The following CXADR variants were observed in gnomAD, a reference collection of about 807,000 sequenced individuals.
CXADR encodes the protein coxsackievirus and adenovirus receptor.
Under a neutral mutation model 40.3 loss-of-function variants are expected in CXADR, and 20 were observed. That is an observed-to-expected ratio of 0.50 (90% CI 0.35 to 0.72). CXADR has a LOEUF of 0.72. CXADR is among the 30% of genes least tolerant of loss of function. The pLI is 0.01. For missense variants in CXADR, 332 were observed against 449.1 expected (o/e 0.74, Z 2.36); for synonymous variants, 150 against 161.3 (o/e 0.93, Z 0.53).
the CXADR span, among the ~76,000 whole-genome samples, chr21:17,603,570 T>C: frequency 6.6e-6 from 1 of 152,190 alleles, no homozygotes; most frequent in Non-Finnish European, 1.5e-5. Flanking sequence ...TAGGAGTACA[T>C]AGTTAGGGTT....
Position 17,551,186 on chromosome 21 carries a change from G to A in CXADR, c.211-563G>A, listed in dbSNP as rs140296832. ...AAGCCAAGGCGGGTGGATCCCCTGAGGTCAGAAGTTCGAGACCAGCCTGGC... is the reference window on the plus strand; with the variant it reads ...AAGCCAAGGCGGGTGGATCCCCTGAAGTCAGAAGTTCGAGACCAGCCTGGC... On this transcript the variant is annotated intron_variant, in intron 2 of 6. Transcript: ENST00000284878. Among the ~76,000 whole-genome samples the A allele has an allele frequency of 7.5e-3, 1,149 of 152,226 alleles. 11 individuals carry two copies. Among genetic ancestry groups the A allele is most frequent in the African/African-American group, 0.026 (1,074 of 41,540 alleles).
At chr21:17,529,887 A>G (rs1326940356) in intron 1 of CXADR, among the ~76,000 whole-genome samples, 1 of 151,802 alleles carries the variant, frequency 6.6e-6, no homozygotes, top group East Asian at 1.9e-4. Context: ...CCCAACCCAC[A>G]TATCAGAAGC....
intron 7 of CXADR, among the ~76,000 whole-genome samples, chr21:17,586,347 A>T (rs928982842): frequency 6.7e-6 from 1 of 148,950 alleles, no homozygotes; most frequent in Non-Finnish European, 1.5e-5. Context: ...ATATTTCCCA[A>T]AGCTAAAGTT....
At chr21:17,538,338 CGAGATGATGATG>C (rs1259011455) in intron 1 of CXADR, among the ~76,000 whole-genome samples, 1 of 151,834 alleles carries the variant, frequency 6.6e-6, no homozygotes, top group African/African-American at 2.4e-5. Context: ...CTGAGTGAGG[CGAGATGATGATG>C]GAGATGATGA....
chr21:17,566,966 A>T lies in CXADR; in HGVS notation c.*1274A>T, dbSNP rs1239452085. Reference sequence around the variant, plus strand: ...ATTCTTAAAAAAAAAAAAGAAAGAAAAAGAAAAAAAGATAAGAAGGAGGAG... The same window carrying T: ...ATTCTTAAAAAAAAAAAAGAAAGAATAAGAAAAAAAGATAAGAAGGAGGAG... On this transcript the variant is annotated 3_prime_UTR_variant, in exon 7 of 7. Coordinates refer to ENST00000284878, the MANE Select transcript of CXADR (RefSeq NM_001338.5). 1 of 978,884 alleles carries T rather than the reference A, an allele frequency of 1.0e-6. No homozygotes were observed. Among genetic ancestry groups the T allele is most frequent in the Admixed American group, 6.2e-5 (1 of 16,234 alleles). 60.6% of individuals were successfully genotyped at this position (978,884 alleles called of 1,614,324 possible).
intron 4 of CXADR, among the ~76,000 whole-genome samples, chr21:17,559,650 C>T: frequency 7.1e-6 from 1 of 139,970 alleles, no homozygotes; most frequent in African/African-American, 2.7e-5. Context: ...ATATTAGTTA[C>T]TTTGGTACTT....
At position 17,565,831 on chromosome 21, in the gene CXADR, T is replaced by G; in HGVS notation, c.*139T>G. On this transcript the variant is annotated 3_prime_UTR_variant, in exon 7 of 7. Coordinates refer to ENST00000284878, the MANE Select transcript of CXADR (RefSeq NM_001338.5). ...TAATCAGGAACTGTACGGAATATAT[T>G]TTTAAAAATTTTTGTTTGGTTATAT... is the stretch of plus-strand genomic sequence containing the variant. 7.6e-7 allele frequency: 1 copy of G among 1,323,188 alleles called. No individual in the cohort carries two copies. Among genetic ancestry groups the G allele is most frequent in the Non-Finnish European group, 9.7e-7 (1 of 1,033,540 alleles). The allele number at this position is 1,323,188 out of a possible 1,614,324, so 82.0% of individuals were successfully genotyped here. A position where few individuals can be genotyped will look rare whatever the true frequency, so the allele number is the denominator to read the frequency against.
chr21:17,610,211 C>T, the CXADR span, among the ~76,000 whole-genome samples: 1 of 152,256 alleles, frequency 6.6e-6, no homozygotes, highest in East Asian at 1.9e-4. Flanking sequence ...TACAGGGTTA[C>T]TTTTTGAGGT....
At chr21:17,622,490 G>A in the CXADR span, among the ~76,000 whole-genome samples, 6 of 152,008 alleles carry the variant, frequency 3.9e-5, no homozygotes, top group Non-Finnish European at 7.4e-5. Flanking sequence ...TATATATAAT[G>A]CATATATGTA....
intron 1 of CXADR, among the ~76,000 whole-genome samples, chr21:17,515,101 T>G (rs1254374420): frequency 6.6e-6 from 1 of 151,244 alleles, no homozygotes; most frequent in Non-Finnish European, 1.5e-5. Context: ...GGCCAGTGTC[T>G]CAGCTAAACA....
chr21:17,516,025 C>T (rs1022004727), intron 1 of CXADR, among the ~76,000 whole-genome samples: 1 of 152,134 alleles, frequency 6.6e-6, no homozygotes, highest in African/African-American at 2.4e-5. Context: ...AGTCATACTA[C>T]TAGTAATCAG....
intron 7 of CXADR, among the ~76,000 whole-genome samples, chr21:17,585,494 ATCTG>A (rs1365924707): frequency 2.0e-5 from 3 of 151,776 alleles, no homozygotes; most frequent in Non-Finnish European, 4.4e-5. Flanking sequence ...GATTCCAATG[ATCTG>A]TCTTTGTGCT....
At chr21:17,575,210 G>C (rs1264679876) in intron 7 of CXADR, among the ~76,000 whole-genome samples, 1 of 151,904 alleles carries the variant, frequency 6.6e-6, no homozygotes, top group East Asian at 1.9e-4. Context: ...GTTGAGACAG[G>C]GTCTTGCTCT....
At chr21:17,525,422 T>C in intron 1 of CXADR, among the ~76,000 whole-genome samples, 1 of 152,220 alleles carries the variant, frequency 6.6e-6, no homozygotes, top group East Asian at 1.9e-4. Context: ...ATGTTTGAAG[T>C]CCTCTCAAGG....
At chr21:17,589,538 A>C (rs2061420182) in intron 7 of CXADR, among the ~76,000 whole-genome samples, 1 of 151,844 alleles carries the variant, frequency 6.6e-6, no homozygotes, top group Non-Finnish European at 1.5e-5. Context: ...TACCATTAAC[A>C]ATTTTTTGCC....
At chr21:17,554,543 C>T (rs1539798) in intron 3 of CXADR, among the ~76,000 whole-genome samples, 5,221 of 152,052 alleles carry the variant, frequency 0.034, 269 homozygotes, top group East Asian at 0.16. Flanking sequence ...AAGTGATTGC[C>T]GAAGAGAAGT....
At position 17,593,506 on chromosome 21, in the gene CXADR, T is replaced by C. The variant is rs549189396; in HGVS notation, c.*313T>C. 2.5e-5 allele frequency: 5 copies of C among 199,790 alleles called. No homozygotes were observed. The East Asian group carries it at 5.5e-4, about 22-fold the overall frequency. 12.4% of individuals were successfully genotyped at this position (199,790 alleles called of 1,614,324 possible). The stretch of plus-strand genomic sequence containing the variant: ...ATGCATATTCTGATATGTGGTCTTT[T>C]AGGAAAAGTATGGTTAATAGTTGAT... On this transcript the variant is annotated 3_prime_UTR_variant, in exon 8 of 8. Coordinates refer to the CXADR transcript ENST00000400169.
the CXADR span, among the ~76,000 whole-genome samples, chr21:17,632,234 G>A: frequency 6.6e-6 from 1 of 152,102 alleles, no homozygotes; most frequent in Admixed American, 6.6e-5. Context: ...TGGACCATTC[G>A]CAGTTGACAA....
intron 7 of CXADR, among the ~76,000 whole-genome samples, chr21:17,591,608 T>G (rs2061435444): frequency 6.6e-6 from 1 of 152,010 alleles, no homozygotes; most frequent in African/African-American, 2.4e-5. Flanking sequence ...CTAAAACTTT[T>G]TTTTTCAAAT....
Sources: allele counts gnomAD v4.1 joint callset (sites outside exome capture counted in the v4.1 genomes callset), GRCh38; gene constraint gnomAD v4.1.1; transcripts MANE v1.5; gene names NCBI Gene and HGNC (gene_info 2026-07-23, HGNC 2026-07-21).